The following OR7C1 variants were observed in gnomAD, a reference collection of about 807,000 sequenced individuals.
OR7C1 encodes the protein olfactory receptor 7C1.
For missense variants in OR7C1, 324 were observed against 383.3 expected (o/e 0.85, Z 1.29); for synonymous variants, 152 against 160.7 (o/e 0.95, Z 0.41).
chr19:14,830,151 C>G (rs1366855543), intron 1 of OR7C1, among the ~76,000 whole-genome samples: 1 of 152,212 alleles, frequency 6.6e-6, no homozygotes, highest in Admixed American at 6.5e-5. Context: ...GCATGAGCTA[C>G]TGCATTTGGC....
chr19:14,818,211 G>A (rs923507346), intron 1 of OR7C1, among the ~76,000 whole-genome samples: 20 of 151,854 alleles, frequency 1.3e-4, no homozygotes, highest in Non-Finnish European at 2.8e-4. Context: ...TCTTGCCTCA[G>A]CCTCCCGAGT....
At chr19:14,810,024 A>C (rs1389175990) in intron 1 of OR7C1, 31 bp from the exon 2 acceptor site, 1 of 151,896 alleles carries the variant, frequency 6.6e-6, no homozygotes, top group African/African-American at 2.4e-5. Flanking sequence ...GTTTATGGAG[A>C]ACCGGAGGCT....
intron 1 of OR7C1, among the ~76,000 whole-genome samples, chr19:14,817,287 G>A (rs537258999): frequency 2.0e-5 from 3 of 152,144 alleles, no homozygotes; most frequent in African/African-American, 7.2e-5. Flanking sequence ...ATTCCATGGT[G>A]TATATGTACC....
intron 1 of OR7C1, among the ~76,000 whole-genome samples, chr19:14,813,696 AAG>A (rs2044702472): frequency 6.7e-6 from 1 of 150,340 alleles, no homozygotes; most frequent in South Asian, 2.1e-4. Context: ...GGCAGCAGGA[AAG>A]AGAGGCAGAG....
intron 1 of OR7C1, chr19:14,826,278 A>T (rs1480866871): frequency 1.3e-5 from 2 of 152,230 alleles, no homozygotes; most frequent in African/African-American, 4.8e-5. Context: ...AGTATTTAAG[A>T]GAATTTAGAG....
chr19:14,810,371 A>AG (rs1555694732), intron 1 of OR7C1, among the ~76,000 whole-genome samples: 4,134 of 123,266 alleles, frequency 0.034, 193 homozygotes, highest in African/African-American at 0.11. Context: ...AACCAAAATG[A>AG]GTTTTTTTTT....
chr19:14,830,274 G>A (rs912992065), intron 1 of OR7C1, among the ~76,000 whole-genome samples: 4 of 152,138 alleles, frequency 2.6e-5, no homozygotes, highest in Non-Finnish European at 5.9e-5. Flanking sequence ...TTCCATTTTG[G>A]TATGACTGTT....
chr19:14,813,720 G>A (rs2044702769), intron 1 of OR7C1, among the ~76,000 whole-genome samples: 2 of 151,862 alleles, frequency 1.3e-5, no homozygotes, highest in Non-Finnish European at 2.9e-5. Flanking sequence ...GAGAGAAGGG[G>A]GGCGTGCCAG....
intron 2 of OR7C1, among the ~76,000 whole-genome samples, chr19:14,801,775 C>T (rs2044643039): frequency 6.6e-6 from 1 of 152,182 alleles, no homozygotes; most frequent in African/African-American, 2.4e-5. Context: ...AGCAAGCATC[C>T]TTTTTCACAT....
At chr19:14,827,614 G>T in intron 1 of OR7C1, 1 of 1,614,174 alleles carries the variant, frequency 6.2e-7, no homozygotes, top group Non-Finnish European at 8.5e-7. Flanking sequence ...CCAGTCAGGG[G>T]ACCTCCACCC....
At chr19:14,815,585 A>T (rs564815055) in intron 1 of OR7C1, among the ~76,000 whole-genome samples, 1 of 152,354 alleles carries the variant, frequency 6.6e-6, no homozygotes, top group South Asian at 2.1e-4. Flanking sequence ...CAAGAAATAA[A>T]GTCTCCTTTC....
chr19:14,827,218 G>A (rs1184449529), intron 1 of OR7C1: 45 of 1,440,238 alleles, frequency 3.1e-5, no homozygotes, highest in Non-Finnish European at 3.6e-5. Flanking sequence ...GAAGGAGCAA[G>A]TTCTATTTCC....
chr19:14,813,382 T>C (rs1053434985), intron 1 of OR7C1, among the ~76,000 whole-genome samples: 5 of 151,440 alleles, frequency 3.3e-5, no homozygotes, highest in South Asian at 2.1e-4. Flanking sequence ...GGTGAAACCC[T>C]GTCTCTACTA....
intron 1 of OR7C1, among the ~76,000 whole-genome samples, chr19:14,812,458 A>T (rs908152049): frequency 1.3e-5 from 2 of 152,160 alleles, no homozygotes; most frequent in Non-Finnish European, 2.9e-5. Flanking sequence ...GAACATTTTG[A>T]AACTCCCTGC....
exon 3 of OR7C1, chr19:14,800,673 C>G (rs73521956): frequency 1.3e-5 from 2 of 152,332 alleles, no homozygotes. Flanking sequence ...GGGTGAATGC[C>G]GGCAGGAACT....
At chr19:14,830,621 T>C (rs955248043) in intron 1 of OR7C1, among the ~76,000 whole-genome samples, 1 of 152,232 alleles carries the variant, frequency 6.6e-6, no homozygotes, top group African/African-American at 2.4e-5. Context: ...TGGTTTTTAA[T>C]TTAACAATAG....
At chr19:14,823,754 C>T (rs953950723) in intron 1 of OR7C1, among the ~76,000 whole-genome samples, 2 of 152,160 alleles carry the variant, frequency 1.3e-5, no homozygotes, top group Non-Finnish European at 2.9e-5. Context: ...AAGATAATGG[C>T]CTCTAGTTTC....
In OR7C1 at chr19:14,828,066, A is replaced by AT. The variant is rs750716925; in HGVS notation, c.-623+7007dup. ...GGACAGGTTGGAGAGGAAGAAGTAC[A>AT]TGGGGGTGTGGAGGTGGGAGTCTGA... On this transcript the variant is annotated intron_variant, in intron 1 of 4. Coordinates refer to ENST00000641666, the Ensembl canonical transcript of OR7C1. 9 of 1,614,202 alleles carry AT rather than the reference A, an allele frequency of 5.6e-6. No individual in the cohort carries two copies. The African/African-American group carries it at 9.3e-5, about 17-fold the overall frequency.
At chr19:14,803,032 C>G (rs569792837) in intron 2 of OR7C1, among the ~76,000 whole-genome samples, 1 of 152,022 alleles carries the variant, frequency 6.6e-6, no homozygotes, top group South Asian at 2.1e-4. Flanking sequence ...TGGGGCCAGG[C>G]GTCGTGGCTC....
Sources: gnomAD v4.1 joint callset for allele counts (sites outside exome capture counted in the v4.1 genomes callset) on GRCh38, gnomAD v4.1.1 for gene constraint, MANE v1.5 for transcripts, NCBI Gene and HGNC (gene_info 2026-07-23, HGNC 2026-07-21) for gene names.